The following NTNG1 variants were observed in gnomAD, a reference collection of about 807,000 sequenced individuals.
NTNG1 encodes netrin G1, also known as netrin-G1.
NTNG1 carries 16 observed loss-of-function variants against 54.0 expected under a neutral mutation model. That is an observed-to-expected ratio of 0.30 (90% CI 0.20 to 0.45). NTNG1 has a LOEUF of 0.45. NTNG1 is among the 20% of genes least tolerant of loss of function. NTNG1 has a pLI of 1.00. For synonymous variants in NTNG1, 255 were observed against 263.1 expected, an observed-to-expected ratio of 0.97 and a Z score of 0.30; for missense variants, 530 against 678.7, an observed-to-expected ratio of 0.78 and a Z score of 2.43.
intron 5 of NTNG1, among the ~76,000 whole-genome samples, chr1:107,411,585 T>C (rs1377638087): frequency 1.3e-5 from 2 of 152,148 alleles, no homozygotes; most frequent in African/African-American, 2.4e-5. Context: ...CAGTGTTTGT[T>C]TGGGTTTTTT....
Position 107,303,330 on chromosome 1 carries a change from G to C in NTNG1, c.247-20952G>C, listed in dbSNP as rs140867062. ...CTGTTAGTGAGAGTTAACCACAGCA[G>C]ATTAATGAGATTAGAAAGTGAGGAA... On this transcript the variant is annotated intron_variant, in intron 2 of 7. Coordinates refer to ENST00000370068, the MANE Select transcript of NTNG1 (RefSeq NM_001113226.3). Among the ~76,000 whole-genome samples, 71 of 152,244 alleles carry C rather than the reference G, an allele frequency of 4.7e-4. No individual in the cohort carries two copies. The East Asian group carries it at 0.013, about 27-fold the overall frequency.
intron 5 of NTNG1, chr1:107,418,746 C>T (rs1362772215): frequency 1.5e-6 from 1 of 660,866 alleles, no homozygotes; most frequent in Admixed American, 3.0e-5. Flanking sequence ...ATCATGAATG[C>T]TATGTCTTTG....
chr1:107,349,921 A>T (rs2084430876), intron 3 of NTNG1, among the ~76,000 whole-genome samples: 1 of 152,206 alleles, frequency 6.6e-6, no homozygotes, highest in South Asian at 2.1e-4. Flanking sequence ...AAAAGTATCT[A>T]GGGAAATAAA....
At chr1:107,199,686 T>G (rs1455754054) in intron 2 of NTNG1, among the ~76,000 whole-genome samples, 1 of 151,908 alleles carries the variant, frequency 6.6e-6, no homozygotes, top group African/African-American at 2.4e-5. Context: ...AAAATGTTAC[T>G]AAGTGACACT....
intron 2 of NTNG1, among the ~76,000 whole-genome samples, chr1:107,305,298 T>C (rs890048935): frequency 1.3e-5 from 2 of 152,208 alleles, no homozygotes; most frequent in African/African-American, 4.8e-5. Context: ...TCTAGGTCCT[T>C]GAGGAATCGC....
intron 3 of NTNG1, among the ~76,000 whole-genome samples, chr1:107,341,945 CAG>C (rs1366190292): frequency 6.6e-6 from 1 of 151,832 alleles, no homozygotes; most frequent in Admixed American, 6.6e-5. Context: ...GAAATTGGAA[CAG>C]GGGTTCCGCA....
chr1:107,453,468 T>C (rs1001845363), intron 7 of NTNG1, among the ~76,000 whole-genome samples: 1 of 152,218 alleles, frequency 6.6e-6, no homozygotes, highest in African/African-American at 2.4e-5. Context: ...AGCAGGTATC[T>C]AGTTTCCAGC....
At chr1:107,303,384 G>C (rs1003151053) in intron 2 of NTNG1, among the ~76,000 whole-genome samples, 2 of 152,074 alleles carry the variant, frequency 1.3e-5, no homozygotes, top group African/African-American at 2.4e-5. Context: ...AATAATCTTA[G>C]CCATAGAGCA....
chr1:107,217,725 G>A (rs918475741), intron 2 of NTNG1, among the ~76,000 whole-genome samples: 9 of 152,014 alleles, frequency 5.9e-5, no homozygotes, highest in Non-Finnish European at 5.9e-5. Flanking sequence ...ATTCAGGAGC[G>A]GGTTATTTAA....
chr1:107,411,848 G>T (rs1472176429), intron 5 of NTNG1, among the ~76,000 whole-genome samples: 2 of 152,134 alleles, frequency 1.3e-5, no homozygotes, highest in African/African-American at 4.8e-5. Flanking sequence ...TCATATTTGT[G>T]TAAATGGCAT....
intron 7 of NTNG1, among the ~76,000 whole-genome samples, chr1:107,437,766 T>C (rs1020364457): frequency 5.3e-5 from 8 of 152,304 alleles, no homozygotes; most frequent in Admixed American, 5.2e-4. Context: ...ATATCAAAAT[T>C]ATTAAGGCTA....
intron 2 of NTNG1, among the ~76,000 whole-genome samples, chr1:107,308,586 G>A (rs1248974593): frequency 6.6e-6 from 1 of 152,126 alleles, no homozygotes; most frequent in Non-Finnish European, 1.5e-5. Context: ...CAAGTAGTGT[G>A]ATGCCTCCAG....
chr1:107,480,909 C>T lies in NTNG1; in HGVS notation c.*69C>T. On this transcript the variant is annotated 3_prime_UTR_variant, in exon 8 of 8. Transcript: ENST00000370068. The stretch of plus-strand genomic sequence containing the variant: ...GCAGACACAACCCAAACATTTGCTA[C>T]TAACATAGGAAACACACACATACAG... 2 of 1,223,760 alleles carry T rather than the reference C, an allele frequency of 1.6e-6. No homozygotes were observed. The highest frequency in any genetic ancestry group is 2.6e-5 in the East Asian group (1 of 39,000). 75.8% of individuals were successfully genotyped at this position (1,223,760 alleles called of 1,614,324 possible). A position where few individuals can be genotyped will look rare whatever the true frequency, so the allele number is the denominator to read the frequency against.
At chr1:107,147,451 GTTTTAT>G (rs1344418874) in intron 1 of NTNG1, among the ~76,000 whole-genome samples, 7 of 149,724 alleles carry the variant, frequency 4.7e-5, no homozygotes, top group Non-Finnish European at 1.0e-4. Context: ...TGCTCCTTTG[GTTTTAT>G]TTTTGATTTT....
At chr1:107,159,945 G>C (rs1401266987) in intron 2 of NTNG1, among the ~76,000 whole-genome samples, 1 of 152,174 alleles carries the variant, frequency 6.6e-6, no homozygotes, top group Non-Finnish European at 1.5e-5. Flanking sequence ...AAATCATAGA[G>C]AGCGGAGTAC....
At chr1:107,283,966 G>C (rs145625484) in intron 2 of NTNG1, among the ~76,000 whole-genome samples, 3 of 152,262 alleles carry the variant, frequency 2.0e-5, no homozygotes, top group African/African-American at 7.2e-5. Flanking sequence ...CTACAGCTCA[G>C]TTCAAATGCT....
At chr1:107,233,509 A>G (rs372071832) in intron 2 of NTNG1, among the ~76,000 whole-genome samples, 1 of 152,222 alleles carries the variant, frequency 6.6e-6, no homozygotes, top group South Asian at 2.1e-4. Flanking sequence ...GAGGAAATCA[A>G]TCTTAGCAAT....
intron 3 of NTNG1, among the ~76,000 whole-genome samples, chr1:107,379,823 T>G (rs139722570): frequency 6.7e-4 from 102 of 152,274 alleles, no homozygotes; most frequent in Admixed American, 1.8e-3. Context: ...TAGCAGGTGG[T>G]AAAGCAAGTG....
chr1:107,240,464 G>A (rs2101576248), intron 2 of NTNG1, among the ~76,000 whole-genome samples: 1 of 152,250 alleles, frequency 6.6e-6, no homozygotes, highest in Middle Eastern at 3.4e-3. Flanking sequence ...CACCTGTGGT[G>A]TAGTAGAGGG....
Sources: gnomAD v4.1 joint callset for allele counts (sites outside exome capture counted in the v4.1 genomes callset) on GRCh38, gnomAD v4.1.1 for gene constraint, MANE v1.5 for transcripts, NCBI Gene and HGNC (gene_info 2026-07-23, HGNC 2026-07-21) for gene names.